The following PTPRN2 variants were observed in gnomAD, a reference collection of about 807,000 sequenced individuals.
PTPRN2 encodes the protein receptor-type tyrosine-protein phosphatase N2.
PTPRN2 carries 74 observed loss-of-function variants against 118.8 expected under a neutral mutation model. That is an observed-to-expected ratio of 0.62 (90% CI 0.52 to 0.76). PTPRN2 has a LOEUF of 0.76. PTPRN2 is among the 30% of genes least tolerant of loss of function. PTPRN2 has a pLI of 0.00. For synonymous variants in PTPRN2, 641 were observed against 608.0 expected, an observed-to-expected ratio of 1.05 and a Z score of -0.80; for missense variants, 1,481 against 1,394.4, an observed-to-expected ratio of 1.06 and a Z score of -0.99.
chr7:158,189,251 C>A (rs1249936901), intron 5 of PTPRN2, among the ~76,000 whole-genome samples: 1 of 152,242 alleles, frequency 6.6e-6, no homozygotes, highest in African/African-American at 2.4e-5. Flanking sequence ...TCCATTTACC[C>A]TCGAGGCGAA....
At chr7:158,219,822 AG>A (rs1468187722) in intron 3 of PTPRN2, among the ~76,000 whole-genome samples, 12 of 152,100 alleles carry the variant, frequency 7.9e-5, no homozygotes, top group Non-Finnish European at 1.5e-4. Flanking sequence ...ATATTGAACC[AG>A]GAAGAAATTC....
chr7:157,722,961 G>A (rs368356595), intron 12 of PTPRN2, among the ~76,000 whole-genome samples: 76 of 152,344 alleles, frequency 5.0e-4, no homozygotes, highest in Middle Eastern at 3.4e-3. Context: ...CAGCAGGGCA[G>A]GGCGATGCAT....
At chr7:158,142,845 C>T (rs1258322688) in intron 6 of PTPRN2, among the ~76,000 whole-genome samples, 1 of 152,228 alleles carries the variant, frequency 6.6e-6, no homozygotes, top group Non-Finnish European at 1.5e-5. Context: ...TCAACGGCAC[C>T]CATGCCCCAG....
intron 11 of PTPRN2, among the ~76,000 whole-genome samples, chr7:158,038,014 T>G (rs1468552719): frequency 6.6e-6 from 1 of 152,184 alleles, no homozygotes; most frequent in East Asian, 1.9e-4. Flanking sequence ...GAGGAGATGC[T>G]GAGGGGAGGG....
intron 2 of PTPRN2, among the ~76,000 whole-genome samples, chr7:158,321,088 T>C (rs1237570222): frequency 6.6e-6 from 1 of 151,736 alleles, no homozygotes; most frequent in Non-Finnish European, 1.5e-5. Flanking sequence ...AAGCATCAGG[T>C]GCGATGAGAC....
intron 17 of PTPRN2, among the ~76,000 whole-genome samples, chr7:157,580,968 A>AC (rs1800343791): frequency 8.1e-6 from 1 of 123,014 alleles, no homozygotes; most frequent in Admixed American, 8.8e-5. Flanking sequence ...CAGCACCTGC[A>AC]CACCGCAGCC....
chr7:157,790,318 G>T (rs549884290), intron 12 of PTPRN2, among the ~76,000 whole-genome samples: 3 of 151,404 alleles, frequency 2.0e-5, no homozygotes, highest in Admixed American at 2.0e-4. Context: ...TGTGTGTGTG[G>T]TGCGGGGGTG....
intron 5 of PTPRN2, among the ~76,000 whole-genome samples, chr7:158,190,079 T>C (rs1397557619): frequency 1.3e-5 from 2 of 152,230 alleles, no homozygotes; most frequent in Non-Finnish European, 2.9e-5. Flanking sequence ...AATTTCTATT[T>C]CATTTTTTAA....
intron 14 of PTPRN2, among the ~76,000 whole-genome samples, chr7:157,642,251 A>G (rs1322287817): frequency 6.6e-6 from 1 of 152,134 alleles, no homozygotes; most frequent in Non-Finnish European, 1.5e-5. Context: ...CAGCATCCCC[A>G]TGGTCCTCTG....
intron 3 of PTPRN2, among the ~76,000 whole-genome samples, chr7:158,294,674 G>GA (rs74794095): frequency 0.24 from 36,229 of 152,152 alleles, 5,023 homozygotes; most frequent in East Asian, 0.42. Context: ...GTTCCCGGGG[G>GA]AGAGTGAGAG....
intron 2 of PTPRN2, among the ~76,000 whole-genome samples, chr7:158,474,119 G>A (rs1158456301): frequency 6.6e-6 from 1 of 152,156 alleles, no homozygotes; most frequent in Non-Finnish European, 1.5e-5. Context: ...CACTGGCCCA[G>A]CCCCCGTGCG....
intron 2 of PTPRN2, among the ~76,000 whole-genome samples, chr7:158,442,315 C>A (rs189593560): frequency 2.0e-5 from 3 of 152,056 alleles, no homozygotes; most frequent in African/African-American, 7.3e-5. Context: ...AGAAGCTGAG[C>A]CTGAGAACCC....
rs538693133 is a variant in PTPRN2 at position 157,874,965 on chromosome 7, A to T, written c.1788+23708T>A. On this transcript the variant is annotated intron_variant, in intron 12 of 22. Coordinates refer to ENST00000389418, the MANE Select transcript of PTPRN2 (RefSeq NM_002847.5). The surrounding 1 kb of genome is among the most constrained non-coding windows in gnomAD (Gnocchi z 5.8). ...TGCACGGAGACACACTTGTGCACAT[A>T]CACAGAGACACAGGCACACACAGGC... 6.6e-6 allele frequency among the ~76,000 whole-genome samples: 1 copy of T among 152,214 alleles called. No homozygotes were observed. Among genetic ancestry groups the T allele is most frequent in the South Asian group, 2.1e-4 (1 of 4,824 alleles).
intron 12 of PTPRN2, among the ~76,000 whole-genome samples, chr7:157,799,955 G>A (rs1461028922): frequency 8.2e-5 from 12 of 146,504 alleles, no homozygotes; most frequent in East Asian, 4.0e-4. Flanking sequence ...CACCACAGCC[G>A]GCCTCCTTTG....
intron 17 of PTPRN2, among the ~76,000 whole-genome samples, chr7:157,588,898 C>T (rs889198504): frequency 6.6e-6 from 1 of 151,322 alleles, no homozygotes; most frequent in Non-Finnish European, 1.5e-5. Flanking sequence ...GCTCTCTGGG[C>T]CACAGCTTCA....
rs151274751 is a variant in PTPRN2 at position 157,986,717 on chromosome 7, C to T, written c.1724-87980G>A. Among the ~76,000 whole-genome samples, 841 of 152,296 alleles carry T rather than the reference C, an allele frequency of 5.5e-3. 10 individuals are homozygous for T. In the Middle Eastern group the frequency reaches 0.068, roughly 12 times the overall value. ...AAATAATGAAGGCTTCACTCTTCCA[C>T]GGGGTTCTGCCCTTGGAAGAACTAA... On this transcript the variant is annotated intron_variant, in intron 11 of 22. Transcript: ENST00000389418. This position sits in a 1 kb window ranked among gnomAD's most constrained non-coding sequence, Gnocchi z 4.5.
chr7:157,728,581 T>A (rs1799723939), intron 12 of PTPRN2, among the ~76,000 whole-genome samples: 1 of 152,232 alleles, frequency 6.6e-6, no homozygotes, highest in African/African-American at 2.4e-5. Flanking sequence ...ACTAAGGGAT[T>A]ACACTCTTAA....
chr7:157,574,483 T>A, intron 19 of PTPRN2: 1 of 479,284 alleles, frequency 2.1e-6, no homozygotes, highest in Non-Finnish European at 4.5e-6. Flanking sequence ...TGAGCACCAT[T>A]GCACACAGCA....
chr7:158,467,015 C>A (rs977739726), intron 2 of PTPRN2, among the ~76,000 whole-genome samples: 1 of 152,152 alleles, frequency 6.6e-6, no homozygotes, highest in Non-Finnish European at 1.5e-5. Flanking sequence ...TAGGACAGAG[C>A]GAGACTGTCT....
Sources: gnomAD v4.1 joint callset for allele counts (sites outside exome capture counted in the v4.1 genomes callset) on GRCh38, gnomAD v4.1.1 for gene constraint, Gnocchi (gnomAD v3.1) non-coding constraint, MANE v1.5 for transcripts, NCBI Gene and HGNC (gene_info 2026-07-23, HGNC 2026-07-21) for gene names.